SH3GLB1: variants seen among roughly 807,000 people sequenced by gnomAD.
SH3GLB1 encodes endophilin-B1.
A neutral mutation model predicts 42.0 loss-of-function variants in SH3GLB1; 17 were observed. The ratio of observed to expected loss-of-function variants is 0.40; its 90% CI spans 0.28 to 0.61. The LOEUF is 0.61. SH3GLB1 is among the 20% of genes least tolerant of loss of function. SH3GLB1 has a pLI of 0.36. For missense variants in SH3GLB1, 355 were observed against 426.3 expected (o/e 0.83, Z 1.47); for synonymous variants, 132 against 146.6 (o/e 0.90, Z 0.72).
chr1:86,717,314 T>G (rs1195921443), intron 2 of SH3GLB1, among the ~76,000 whole-genome samples: 2 of 152,220 alleles, frequency 1.3e-5, no homozygotes, highest in African/African-American at 2.4e-5. Context: ...CATTCACAAC[T>G]GGTAAACAGG....
chr1:86,724,892 A>AAAAAAATATATATATATATATATATATAT (rs1291454820), intron 5 of SH3GLB1, among the ~76,000 whole-genome samples: 9 of 99,636 alleles, frequency 9.0e-5, no homozygotes, highest in Non-Finnish European at 1.7e-4. Flanking sequence ...AAAAAAAAAA[A>AAAAAAATATATATATATATATATATATAT]ATATATATAT....
chr1:86,741,457 A>G (rs1306484029), intron 7 of SH3GLB1, among the ~76,000 whole-genome samples: 4 of 152,212 alleles, frequency 2.6e-5, no homozygotes, highest in Non-Finnish European at 4.4e-5. Context: ...TCTTCAAATT[A>G]TTTATGAGCA....
intron 5 of SH3GLB1, among the ~76,000 whole-genome samples, chr1:86,731,113 G>A (rs1020246307): frequency 7.2e-5 from 11 of 152,230 alleles, no homozygotes; most frequent in Non-Finnish European, 1.5e-4. Context: ...TCTGTGGGCT[G>A]GGAAAGCAAG....
intron 4 of SH3GLB1, among the ~76,000 whole-genome samples, chr1:86,723,078 T>C (rs935317525): frequency 2.6e-5 from 4 of 152,238 alleles, no homozygotes; most frequent in African/African-American, 4.8e-5. Context: ...GCTGCTCTTA[T>C]AAATACTTCA....
chr1:86,734,601 G>A lies in SH3GLB1; in HGVS notation c.571-1G>A, dbSNP rs1217677628. 5 of 1,603,698 alleles carry A rather than the reference G, an allele frequency of 3.1e-6. No homozygotes were observed. Among genetic ancestry groups the A allele is most frequent in the Non-Finnish European group, 4.3e-6 (5 of 1,171,022 alleles). On this transcript the variant is annotated splice_acceptor_variant, in intron 5 of 8. Coordinates refer to ENST00000370558, the MANE Select transcript of SH3GLB1 (RefSeq NM_016009.5). LOFTEE classifies it high-confidence loss of function. The stretch of plus-strand genomic sequence containing the variant: ...ATTCTAAAACTATATTCTTACTTAA[G>A]TCTGAACAGGAATTAAGAATAACTC...
At chr1:86,742,626 C>T (rs375307507) in intron 8 of SH3GLB1, among the ~76,000 whole-genome samples, 190 bp downstream of exon 8, 1 of 151,964 alleles carries the variant, frequency 6.6e-6, no homozygotes, top group African/African-American at 2.4e-5. Flanking sequence ...CTTTTAACTG[C>T]CAAATAACTT....
At chr1:86,740,185 T>G (rs1655990124) in intron 7 of SH3GLB1, among the ~76,000 whole-genome samples, 1 of 152,114 alleles carries the variant, frequency 6.6e-6, no homozygotes, top group African/African-American at 2.4e-5. Flanking sequence ...TTGTTCTTTT[T>G]TCCTCTCAGT....
At position 86,743,270 on chromosome 1, in the gene SH3GLB1, T is replaced by A. The variant is rs7805; in HGVS notation, c.*35T>A. The A allele has an allele frequency of 0.23, 332,212 of 1,419,302 alleles. 45,642 individuals are homozygous for A. The highest frequency in any genetic ancestry group is 0.63 in the African/African-American group (43,654 of 69,316). The allele number at this position is 1,419,302 out of a possible 1,614,324, so 87.9% of individuals were successfully genotyped here. A position where few individuals can be genotyped will look rare whatever the true frequency, so the allele number is the denominator to read the frequency against. ...CTATGGAAAGGTTGCCCATCATGACTTTGTATTTATATACAATTAACTCTA... is the reference window on the plus strand; with the variant it reads ...CTATGGAAAGGTTGCCCATCATGACATTGTATTTATATACAATTAACTCTA... On this transcript the variant is annotated 3_prime_UTR_variant, in exon 9 of 9. Transcript: ENST00000370558.
At position 86,704,740 on chromosome 1, in the gene SH3GLB1, C is replaced by T. The variant is rs903142117; in HGVS notation, c.-160C>T. 1 of 490,706 alleles carries T rather than the reference C, an allele frequency of 2.0e-6. No individual in the cohort carries two copies. The highest frequency in any genetic ancestry group is 2.1e-5 in the African/African-American group (1 of 48,144). 30.4% of individuals were successfully genotyped at this position (490,706 alleles called of 1,614,324 possible). A position where few individuals can be genotyped will look rare whatever the true frequency, so the allele number is the denominator to read the frequency against. On this transcript the variant is annotated 5_prime_UTR_variant, in exon 1 of 9. Transcript: ENST00000370558. Reference sequence around the variant, plus strand: ...TCCTCCCTCGCCCCGCCTTCATCCTCCCCGTTCACGGAAACGACAGCTGCG... The same window carrying T: ...TCCTCCCTCGCCCCGCCTTCATCCTTCCCGTTCACGGAAACGACAGCTGCG...
intron 5 of SH3GLB1, chr1:86,734,205 T>G (rs1304883588): frequency 6.5e-6 from 1 of 154,338 alleles, no homozygotes; most frequent in African/African-American, 2.4e-5. Flanking sequence ...TAGTAATAAT[T>G]GAGAATTTTT....
chr1:86,730,309 A>C (rs1655435337), intron 5 of SH3GLB1: 2 of 985,266 alleles, frequency 2.0e-6, no homozygotes, highest in Non-Finnish European at 2.4e-6. Flanking sequence ...TGCTGCAGAG[A>C]TGTGGTTTGC....
intron 5 of SH3GLB1, among the ~76,000 whole-genome samples, chr1:86,731,758 A>G (rs1655522804): frequency 6.6e-6 from 1 of 152,116 alleles, no homozygotes; most frequent in South Asian, 2.1e-4. Context: ...TCTTCTACAT[A>G]TCTCACTTCT....
intron 2 of SH3GLB1, among the ~76,000 whole-genome samples, chr1:86,718,148 T>C (rs1272200656): frequency 6.6e-6 from 1 of 152,062 alleles, no homozygotes; most frequent in Non-Finnish European, 1.5e-5. Flanking sequence ...CAAGTGATTG[T>C]CCTGCCTCAG....
chr1:86,728,103 T>C (rs1655292327), intron 5 of SH3GLB1, among the ~76,000 whole-genome samples: 1 of 151,944 alleles, frequency 6.6e-6, no homozygotes, highest in Non-Finnish European at 1.5e-5. Context: ...TAGTGAAAAT[T>C]TAATAAAAAT....
At chr1:86,723,955 T>C (rs1047794145) in intron 4 of SH3GLB1, among the ~76,000 whole-genome samples, 2 of 152,222 alleles carry the variant, frequency 1.3e-5, no homozygotes, top group Non-Finnish European at 2.9e-5. Context: ...GGCTTCTGGC[T>C]AGCAGACTCC....
At chr1:86,713,494 G>A (rs1275589797) in intron 1 of SH3GLB1, among the ~76,000 whole-genome samples, 1 of 152,030 alleles carries the variant, frequency 6.6e-6, no homozygotes, top group Non-Finnish European at 1.5e-5. Context: ...TATGTGTGAG[G>A]GTGATGCTAA....
chr1:86,709,434 G>A (rs1296584170), intron 1 of SH3GLB1, among the ~76,000 whole-genome samples: 1 of 152,140 alleles, frequency 6.6e-6, no homozygotes, highest in Non-Finnish European at 1.5e-5. Flanking sequence ...GTACCTCCTA[G>A]GTGCTTGGCG....
At chr1:86,723,389 C>CT (rs1654980045) in intron 4 of SH3GLB1, among the ~76,000 whole-genome samples, 1 of 152,068 alleles carries the variant, frequency 6.6e-6, no homozygotes, top group Non-Finnish European at 1.5e-5. Flanking sequence ...TGGCAGGTGC[C>CT]TGTAATTCCA....
intron 5 of SH3GLB1, 41 bp downstream of exon 5, chr1:86,724,446 A>G: frequency 7.1e-7 from 1 of 1,406,582 alleles, no homozygotes; most frequent in Non-Finnish European, 9.7e-7. Flanking sequence ...TAACTTTAAG[A>G]TTTGTAAAAT....
Sources: gnomAD v4.1 joint callset for allele counts (sites outside exome capture counted in the v4.1 genomes callset) on GRCh38, gnomAD v4.1.1 for gene constraint, MANE v1.5 for transcripts, NCBI Gene and HGNC (gene_info 2026-07-23, HGNC 2026-07-21) for gene names.